The following ZHX2 variants were observed in gnomAD, a reference collection of about 807,000 sequenced individuals.
ZHX2 encodes zinc fingers and homeoboxes protein 2.
ZHX2 carries 6 observed loss-of-function variants against 21.9 expected under a neutral mutation model. The ratio of observed to expected loss-of-function variants is 0.27; its 90% CI spans 0.15 to 0.54. The LOEUF (loss-of-function observed/expected upper bound fraction) is 0.54, where lower values mean the gene tolerates loss of function less well. ZHX2 is among the 20% of genes least tolerant of loss of function. The probability of loss-of-function intolerance (pLI) is 0.95; values close to 1 mark genes in which losing one functional copy is unlikely to be tolerated. For synonymous variants in ZHX2, 434 were observed against 437.1 expected (o/e 0.99, Z 0.09); for missense variants, 908 against 1,090.7 (o/e 0.83, Z 2.36).
chr8:122,789,579 G>A (rs1438995134), intron 1 of ZHX2, among the ~76,000 whole-genome samples: 1 of 152,138 alleles, frequency 6.6e-6, no homozygotes, highest in Non-Finnish European at 1.5e-5. Context: ...AGTAGGGAGA[G>A]GCCAGGAGGC....
At chr8:122,897,563 G>C (rs1284595887) in intron 2 of ZHX2, among the ~76,000 whole-genome samples, 2 of 151,936 alleles carry the variant, frequency 1.3e-5, no homozygotes, top group Admixed American at 1.3e-4. Flanking sequence ...GTAGTGTTTA[G>C]AAATTTAATG....
rs72720005 is a variant in ZHX2 at position 122,957,325 on chromosome 8, C to T, written c.*4+3297C>T. 5.0e-3 allele frequency among the ~76,000 whole-genome samples: 716 copies of T among 141,800 alleles called. 6 individuals carry two copies. Among genetic ancestry groups the T allele is most frequent in the Admixed American group, 7.8e-3 (114 of 14,682 alleles). 93.0% of individuals were successfully genotyped at this position (141,800 alleles called of 152,430 possible). On this transcript the variant is annotated intron_variant, in intron 3 of 3. Transcript: ENST00000314393. ...AAAAAAAAAAAAAAACATGCAGGAA[C>T]CCCACTTTATGTTTAATTATGGTAA...
chr8:122,880,476 T>C (rs1347445566), intron 2 of ZHX2, among the ~76,000 whole-genome samples: 1 of 152,038 alleles, frequency 6.6e-6, no homozygotes, highest in East Asian at 1.9e-4. Flanking sequence ...AACCTTGAGA[T>C]AGAGATGCTC....
intron 1 of ZHX2, among the ~76,000 whole-genome samples, chr8:122,803,525 G>A (rs750709): frequency 0.098 from 14,858 of 152,206 alleles, 946 homozygotes; most frequent in Admixed American, 0.21. Context: ...GGTATTTGGC[G>A]GCATCCCTGG....
chr8:122,916,830 C>T (rs1010844900), intron 2 of ZHX2, among the ~76,000 whole-genome samples: 5 of 152,174 alleles, frequency 3.3e-5, no homozygotes, highest in Admixed American at 2.6e-4. Flanking sequence ...TCCACACTCC[C>T]CACCCCTTCT....
In ZHX2 at chr8:122,897,720, A is replaced by G. The variant is rs1820134081; in HGVS notation, c.-220+34181A>G. Among the ~76,000 whole-genome samples the G allele has an allele frequency of 2.6e-5, 4 of 151,768 alleles. No individual in the cohort carries two copies. The East Asian group carries it at 5.8e-4, about 22-fold the overall frequency. On this transcript the variant is annotated intron_variant, in intron 2 of 3. Coordinates refer to ENST00000314393, the MANE Select transcript of ZHX2 (RefSeq NM_014943.5). Reference sequence around the variant, plus strand: ...AAAAAAAAAAAGAATGAGAGTTTCTATTTCCTTAAGCTGGTTCATGGCAAA... The same window carrying G: ...AAAAAAAAAAAGAATGAGAGTTTCTGTTTCCTTAAGCTGGTTCATGGCAAA...
At chr8:122,858,379 G>C (rs1429132219) in intron 1 of ZHX2, among the ~76,000 whole-genome samples, 1 of 152,198 alleles carries the variant, frequency 6.6e-6, no homozygotes, top group Non-Finnish European at 1.5e-5. Flanking sequence ...TCTTCTACAG[G>C]CCTTTAAAGT....
chr8:122,838,661 C>A (rs1429614930), intron 1 of ZHX2, among the ~76,000 whole-genome samples: 1 of 149,758 alleles, frequency 6.7e-6, no homozygotes, highest in Non-Finnish European at 1.5e-5. Flanking sequence ...CTGCAACTTC[C>A]ATCTCCCAGG....
intron 2 of ZHX2, among the ~76,000 whole-genome samples, chr8:122,946,483 G>T (rs139872705): frequency 4.6e-5 from 7 of 152,134 alleles, no homozygotes; most frequent in African/African-American, 1.2e-4. Context: ...ATGAGTTTTA[G>T]AAGATGCTTT....
chr8:122,964,349 A>T (rs1813527836), intron 3 of ZHX2, among the ~76,000 whole-genome samples: 1 of 152,220 alleles, frequency 6.6e-6, no homozygotes, highest in South Asian at 2.1e-4. Context: ...GGTTTTAATC[A>T]TATAGGGATG....
intron 1 of ZHX2, among the ~76,000 whole-genome samples, chr8:122,810,266 TC>T (rs1388210932): frequency 6.6e-6 from 1 of 152,210 alleles, no homozygotes; most frequent in Non-Finnish European, 1.5e-5. Context: ...AGTTTCCTTT[TC>T]TGTAAAATGG....
intron 2 of ZHX2, among the ~76,000 whole-genome samples, chr8:122,877,705 T>G (rs1228446712): frequency 6.6e-6 from 1 of 152,032 alleles, no homozygotes; most frequent in African/African-American, 2.4e-5. Flanking sequence ...TGGCTGCAGG[T>G]GACTTGAAGG....
intron 3 of ZHX2, among the ~76,000 whole-genome samples, chr8:122,959,510 A>G (rs1231447221): frequency 6.6e-6 from 1 of 152,174 alleles, no homozygotes; most frequent in Non-Finnish European, 1.5e-5. Context: ...ATATATCATT[A>G]ATCTCTGAAT....
chr8:122,852,962 CTCTTATT>C (rs151010199), intron 1 of ZHX2, among the ~76,000 whole-genome samples: 1,663 of 152,192 alleles, frequency 0.011, 18 homozygotes, highest in Middle Eastern at 0.068. Flanking sequence ...AGCCTCATAT[CTCTTATT>C]TAATTCACAC....
At chr8:122,798,677 G>T (rs1244871911) in intron 1 of ZHX2, among the ~76,000 whole-genome samples, 1 of 152,030 alleles carries the variant, frequency 6.6e-6, no homozygotes, top group African/African-American at 2.4e-5. Flanking sequence ...CAGCTACTCG[G>T]GAGGCTGTGG....
At chr8:122,944,007 T>C (rs11994692) in intron 2 of ZHX2, among the ~76,000 whole-genome samples, 17,129 of 152,158 alleles carry the variant, frequency 0.11, 2,589 homozygotes, top group African/African-American at 0.34. Flanking sequence ...TTGTCATTCC[T>C]CAAATGTTTT....
chr8:122,887,335 A>G (rs1188072294), intron 2 of ZHX2, among the ~76,000 whole-genome samples: 2 of 151,398 alleles, frequency 1.3e-5, no homozygotes, highest in East Asian at 1.9e-4. Context: ...CCAACATGGT[A>G]AAACCCCATC....
At chr8:122,918,132 C>T (rs1014110992) in intron 2 of ZHX2, among the ~76,000 whole-genome samples, 89 of 152,184 alleles carry the variant, frequency 5.8e-4, no homozygotes, top group African/African-American at 2.0e-3. Context: ...TCTTATTAAA[C>T]TTATTTAATC....
At chr8:122,899,726 T>C (rs1262197409) in intron 2 of ZHX2, among the ~76,000 whole-genome samples, 1 of 152,208 alleles carries the variant, frequency 6.6e-6, no homozygotes, top group Non-Finnish European at 1.5e-5. Flanking sequence ...TCTCCTGTCT[T>C]ACATGGAAAA....
Sources: gnomAD v4.1 joint callset for allele counts (sites outside exome capture counted in the v4.1 genomes callset) on GRCh38, gnomAD v4.1.1 for gene constraint, MANE v1.5 for transcripts, NCBI Gene and HGNC (gene_info 2026-07-23, HGNC 2026-07-21) for gene names.